The following ICMT variants were observed in gnomAD, a reference collection of about 807,000 sequenced individuals.
The protein encoded by ICMT is isoprenylcysteine carboxyl methyltransferase, also known as protein-S-isoprenylcysteine O-methyltransferase.
Under a neutral mutation model 32.2 loss-of-function variants are expected in ICMT, and 10 were observed. That is an observed-to-expected ratio of 0.31 (90% confidence interval 0.19 to 0.53). The LOEUF (loss-of-function observed/expected upper bound fraction) is 0.53, where lower values mean the gene tolerates loss of function less well. Ranked by LOEUF, ICMT falls within the 20% of genes least tolerant of loss-of-function variation. The pLI, the probability that ICMT is intolerant of heterozygous loss-of-function variation, is 0.96. For missense variants in ICMT, 265 were observed against 356.9 expected (o/e 0.74, Z 2.07); for synonymous variants, 183 against 158.2 (o/e 1.16, Z -1.18).
Position 6,234,910 on chromosome 1 carries a change from T to G in ICMT, c.260A>C (p.Gln87Pro). The G allele has an allele frequency of 6.2e-7, 1 of 1,613,980 alleles. No homozygotes were observed. The highest frequency in any genetic ancestry group is 8.5e-7 in the Non-Finnish European group (1 of 1,179,908). The part of the protein sequence containing the change: ...FGCGTLLSFS[Q>P]SSWSHFGWYM... The stretch of plus-strand genomic sequence containing the variant: ...CCAGCCAAAGTGACTCCAAGAAGAC[T>G]GGCTAAAACTTAGCAGCGTGCCGCA... The change falls in exon 2 of 5, where the codon CAG (glutamine) becomes CCG (proline). Residue 87 changes from glutamine (Q) to proline (P), a missense_variant. Transcript: ENST00000343813.
At chr1:6,229,032 C>CAA (rs70981315) in intron 4 of ICMT, among the ~76,000 whole-genome samples, 19 of 117,742 alleles carry the variant, frequency 1.6e-4, no homozygotes, top group African/African-American at 3.8e-4. Context: ...GACTCTGTCT[C>CAA]AAAAAAAAAA....
Position 6,233,642 on chromosome 1 carries a change from A to G in ICMT, c.286T>C (p.Tyr96His). The G allele has an allele frequency of 6.2e-7, 1 of 1,608,744 alleles. No homozygotes were observed. Among genetic ancestry groups the G allele is most frequent in the Middle Eastern group, 1.7e-4 (1 of 6,020 alleles). Reference sequence around the variant, plus strand: ...TGGAACAATGACAGGGAGCACATGTACCTATTTAAAGACAAAAAGAGAGTT... The same window carrying G: ...TGGAACAATGACAGGGAGCACATGTGCCTATTTAAAGACAAAAAGAGAGTT... ...SQSSWSHFGW[Y>H]MCSLSLFHYS... is the part of the protein sequence containing the mutation. The change falls in exon 3 of 5, where the codon TAC (tyrosine) becomes CAC (histidine). Residue 96 changes from tyrosine (Y) to histidine (H), a missense_variant and splice_region_variant. Transcript: ENST00000343813.
At chr1:6,231,197 A>G (rs909463196) in intron 4 of ICMT, among the ~76,000 whole-genome samples, 3 of 152,088 alleles carry the variant, frequency 2.0e-5, no homozygotes, top group Non-Finnish European at 4.4e-5. Flanking sequence ...GAAAGAAAAG[A>G]AAAGAAACGA....
At position 6,224,772 on chromosome 1, in the gene ICMT, C is replaced by T. The variant is rs958557484; in HGVS notation, c.*308G>A. 5.4e-5 allele frequency: 16 copies of T among 299,030 alleles called. No homozygotes were observed. Among genetic ancestry groups the T allele is most frequent in the Non-Finnish European group, 6.1e-5 (10 of 163,342 alleles). 18.5% of individuals were successfully genotyped at this position (299,030 alleles called of 1,614,324 possible). A position where few individuals can be genotyped will look rare whatever the true frequency, so the allele number is the denominator to read the frequency against. ...TTATCCTTTACTTACACTCTGGCCT[C>T]GGGGGCAGTGGCGTGTGGCCTCGGT... On this transcript the variant is annotated 3_prime_UTR_variant, in exon 5 of 5. Coordinates refer to ENST00000343813, the MANE Select transcript of ICMT (RefSeq NM_012405.4).
rs1405463429 is a variant in ICMT at position 6,223,377 on chromosome 1, G to T, written c.*1703C>A. The T allele has an allele frequency of 1.3e-5, 2 of 152,200 alleles. No homozygotes were observed. The highest frequency in any genetic ancestry group is 2.9e-5 in the Non-Finnish European group (2 of 68,040). The allele number at this position is 152,200 out of a possible 1,614,324, so 9.4% of individuals were successfully genotyped here. A position where few individuals can be genotyped will look rare whatever the true frequency, so the allele number is the denominator to read the frequency against. On this transcript the variant is annotated 3_prime_UTR_variant, in exon 5 of 5. Coordinates refer to ENST00000343813, the MANE Select transcript of ICMT (RefSeq NM_012405.4). ...CCGCCTTGGCCTCCCAAATTGCTGG[G>T]ATTACAGGCGTGAGCCACCGCGCCC...
At position 6,221,232 on chromosome 1, in the gene ICMT, A is replaced by G. The variant is rs1668539943; in HGVS notation, c.*3848T>C. 6.6e-6 allele frequency: 1 copy of G among 152,660 alleles called. No individual in the cohort carries two copies. Among genetic ancestry groups the G allele is most frequent in the Non-Finnish European group, 1.5e-5 (1 of 68,046 alleles). 9.5% of individuals were successfully genotyped at this position (152,660 alleles called of 1,614,324 possible). On this transcript the variant is annotated 3_prime_UTR_variant, in exon 5 of 5. Coordinates refer to ENST00000343813, the MANE Select transcript of ICMT (RefSeq NM_012405.4). ...GTGCAGTTTTATTTAAGAACTGGAA[A>G]GAATAATCAGTATCTGTGAAAGAAA... is the stretch of plus-strand genomic sequence containing the variant.
At chr1:6,229,235 T>C (rs1176691143) in intron 4 of ICMT, among the ~76,000 whole-genome samples, 1 of 152,022 alleles carries the variant, frequency 6.6e-6, no homozygotes, top group Non-Finnish European at 1.5e-5. Flanking sequence ...TCCCAACGCT[T>C]TGGGAGGCCA....
rs891467477 is a variant in ICMT at position 6,235,962 on chromosome 1, A to G, written c.-51T>C. The G allele has an allele frequency of 1.0e-5, 10 of 987,158 alleles. No homozygotes were observed. The highest frequency in any genetic ancestry group is 1.2e-5 in the Non-Finnish European group (10 of 805,500). 61.1% of individuals were successfully genotyped at this position (987,158 alleles called of 1,614,324 possible). A position where few individuals can be genotyped will look rare whatever the true frequency, so the allele number is the denominator to read the frequency against. ...GGCGGCGCCGGCTGTAGCCCGGAGA[A>G]ACGCGCCGGCTGCGCCTGCGCACTG... is the stretch of plus-strand genomic sequence containing the variant. On this transcript the variant is annotated 5_prime_UTR_variant, in exon 1 of 5. Coordinates refer to ENST00000343813, the MANE Select transcript of ICMT (RefSeq NM_012405.4).
Position 6,235,699 on chromosome 1 carries a change from G to A in ICMT, c.195+18C>T, listed in dbSNP as rs942934946. On this transcript the variant is annotated intron_variant, in intron 1 of 4. Coordinates refer to ENST00000343813, the MANE Select transcript of ICMT (RefSeq NM_012405.4). ...CCGCCCGCCCCGCCGGCCCCCGCCG[G>A]CCCCCGCCGGCCTGCACCTGGTAGC... 3.4e-6 allele frequency: 4 copies of A among 1,176,150 alleles called. No individual in the cohort carries two copies. The South Asian group carries it at 1.1e-4, about 32-fold the overall frequency. The allele number at this position is 1,176,150 out of a possible 1,614,324, so 72.9% of individuals were successfully genotyped here. A position where few individuals can be genotyped will look rare whatever the true frequency, so the allele number is the denominator to read the frequency against.
Position 6,235,680 on chromosome 1 carries a change from G to GCCCCGCCGGC in ICMT, c.195+27_195+36dup, listed in dbSNP as rs147526858. On this transcript the variant is annotated intron_variant, in intron 1 of 4. Coordinates refer to ENST00000343813, the MANE Select transcript of ICMT (RefSeq NM_012405.4). Reference sequence around the variant, plus strand: ...CGCCGCGCCAAGCGGACCGCCGCCCGCCCCGCCGGCCCCCGCCGGCCCCCG... The same window carrying GCCCCGCCGGC: ...CGCCGCGCCAAGCGGACCGCCGCCCGCCCCGCCGGCCCCCGCCGGCCCCCGCCGGCCCCCG... 4.3e-4 allele frequency: 498 copies of GCCCCGCCGGC among 1,146,664 alleles called. 2 individuals are homozygous for GCCCCGCCGGC. The South Asian group carries it at 6.3e-3, about 14-fold the overall frequency. 71.0% of individuals were successfully genotyped at this position (1,146,664 alleles called of 1,614,324 possible). A position where few individuals can be genotyped will look rare whatever the true frequency, so the allele number is the denominator to read the frequency against.
intron 4 of ICMT, among the ~76,000 whole-genome samples, chr1:6,229,264 A>T (rs1463136618): frequency 1.3e-5 from 2 of 152,180 alleles, no homozygotes; most frequent in Non-Finnish European, 2.9e-5. Context: ...AGATCACCTG[A>T]GGTTGGGAGT....
rs1364666774 is a variant in ICMT, at chr1:6,221,417, CAG to C, written c.*3661_*3662del. The C allele has an allele frequency of 3.3e-5, 5 of 152,740 alleles. No homozygotes were observed. The South Asian group carries it at 6.2e-4, about 19-fold the overall frequency. The allele number at this position is 152,740 out of a possible 1,614,324, so 9.5% of individuals were successfully genotyped here. ...TGCCACGGCCTCTGCAGCAGTGGCC[CAG>C]AGAGTAGGCACTTCCCAGCATGACA... On this transcript the variant is annotated 3_prime_UTR_variant, in exon 5 of 5. Coordinates refer to ENST00000343813, the MANE Select transcript of ICMT (RefSeq NM_012405.4).
chr1:6,234,837 G>C (rs749484160), intron 2 of ICMT, 49 bp downstream of exon 2: 1 of 1,355,672 alleles, frequency 7.4e-7, no homozygotes, highest in South Asian at 1.2e-5. Context: ...CAGACCCTCT[G>C]ATCTGTCCAC....
At chr1:6,230,680 G>A (rs2100965802) in intron 4 of ICMT, among the ~76,000 whole-genome samples, 1 of 150,918 alleles carries the variant, frequency 6.6e-6, no homozygotes, top group Non-Finnish European at 1.5e-5. Flanking sequence ...ATGAGGTCAG[G>A]AGATCAAGAC....
rs1269149140 is a variant in ICMT, at chr1:6,225,170, T to C, written c.765A>G (p.Leu255=). ...RDRTEEEEIS[L]IHFFGEEYLE... is the part of the protein sequence containing the mutation. ...GGTACTCCTCTCCAAAAAAGTGAAT[T>C]AGTGAGATTTCTTCTTCTTCTGTTC... is the stretch of plus-strand genomic sequence containing the variant. Residue 255 remains leucine, a synonymous_variant, in exon 5 of 5, where the codon CTA becomes CTG. Coordinates refer to ENST00000343813, the MANE Select transcript of ICMT (RefSeq NM_012405.4). The C allele has an allele frequency of 6.2e-6, 10 of 1,614,120 alleles. No individual in the cohort carries two copies. The highest frequency in any genetic ancestry group is 2.2e-5 in the East Asian group (1 of 44,886).
intron 2 of ICMT, 105 bp from the exon 3 acceptor site, chr1:6,233,748 T>A: frequency 2.3e-6 from 2 of 862,784 alleles, no homozygotes; most frequent in Non-Finnish European, 3.6e-6. Context: ...GAGGCCCTGT[T>A]CTCACCTGTC....
chr1:6,230,990 T>C (rs569984652), intron 4 of ICMT, among the ~76,000 whole-genome samples: 1 of 150,702 alleles, frequency 6.6e-6, no homozygotes, highest in African/African-American at 2.4e-5. Context: ...CTGCTTGAGC[T>C]CAGTAGTTCA....
intron 3 of ICMT, 82 bp from the exon 4 acceptor site, chr1:6,232,201 A>G: frequency 1.0e-6 from 1 of 965,982 alleles, no homozygotes; most frequent in Non-Finnish European, 1.5e-6. Context: ...AAATTAACCT[A>G]TTTTCCCGAA....
rs1668546389 is a variant in ICMT at position 6,221,447 on chromosome 1, G to A, written c.*3633C>T. The A allele has an allele frequency of 6.6e-6, 1 of 152,646 alleles. No individual in the cohort carries two copies. The allele number at this position is 152,646 out of a possible 1,614,324, so 9.5% of individuals were successfully genotyped here. ...AGTAGGCACTTCCCAGCATGACAGA[G>A]AGGCCGAGGCCTTCTAACCTTGCCA... On this transcript the variant is annotated 3_prime_UTR_variant, in exon 5 of 5. Transcript: ENST00000343813.
Sources: gnomAD v4.1 joint callset for allele counts (sites outside exome capture counted in the v4.1 genomes callset) on GRCh38, gnomAD v4.1.1 for gene constraint, MANE v1.5 for transcripts, NCBI Gene and HGNC (gene_info 2026-07-23, HGNC 2026-07-21) for gene names.